The following NSMCE2 variants were observed in gnomAD, a reference collection of about 807,000 sequenced individuals.
NSMCE2 encodes the protein NSE2 SUMO ligase component of SMC5/6 complex.
NSMCE2 carries 24 observed loss-of-function variants against 23.8 expected under a neutral mutation model. The observed-to-expected ratio is 1.01, with a 90% CI of 0.73 to 1.42. NSMCE2 has a LOEUF of 1.42. NSMCE2 is among the 40% of genes most tolerant of loss of function. The pLI is 0.00. For missense variants in NSMCE2, 284 were observed against 296.5 expected, an observed-to-expected ratio of 0.96 and a Z score of 0.31; for synonymous variants, 92 against 94.1, an observed-to-expected ratio of 0.98 and a Z score of 0.13.
At chr8:125,289,110 C>A (rs1011371983) in intron 5 of NSMCE2, among the ~76,000 whole-genome samples, 1 of 152,160 alleles carries the variant, frequency 6.6e-6, no homozygotes, top group Non-Finnish European at 1.5e-5. Context: ...GTCTTTAATT[C>A]ATCTTTGTAC....
intron 4 of NSMCE2, among the ~76,000 whole-genome samples, chr8:125,180,790 A>T (rs1478852966): frequency 6.6e-6 from 1 of 151,812 alleles, no homozygotes; most frequent in Admixed American, 6.5e-5. Flanking sequence ...CTATATACTA[A>T]TAATAATGGC....
intron 3 of NSMCE2, chr8:125,124,028 C>T (rs1410250537): frequency 6.6e-6 from 1 of 152,134 alleles, no homozygotes; most frequent in Non-Finnish European, 1.5e-5. Flanking sequence ...AAACCCTGTA[C>T]CCTTTAGCTA....
rs1286441283 is a variant in NSMCE2 at position 125,175,861 on chromosome 8, A to G, written c.265-6242A>G. 2.6e-5 allele frequency among the ~76,000 whole-genome samples: 4 copies of G among 152,364 alleles called. No homozygotes were observed. The East Asian group carries it at 7.7e-4, about 29-fold the overall frequency. ...AAATACATTTAATATTTGTGTTAAA[A>G]TATGGTGAAAATAATATGTAGTTTC... On this transcript the variant is annotated intron_variant, in intron 4 of 7. Transcript: ENST00000287437.
intron 3 of NSMCE2, among the ~76,000 whole-genome samples, chr8:125,103,861 A>C (rs1044760569): frequency 9.2e-5 from 14 of 151,740 alleles, no homozygotes; most frequent in African/African-American, 2.7e-4. Context: ...TTCTTTCTTC[A>C]TTGTGTCCAT....
At chr8:125,232,378 A>T (rs1825362227) in intron 5 of NSMCE2, among the ~76,000 whole-genome samples, 1 of 152,150 alleles carries the variant, frequency 6.6e-6, no homozygotes, top group Non-Finnish European at 1.5e-5. Context: ...AAAAAAAGAA[A>T]GAAAGAAAGT....
chr8:125,360,641 G>T (rs568430088), intron 7 of NSMCE2, among the ~76,000 whole-genome samples: 1 of 152,310 alleles, frequency 6.6e-6, no homozygotes, highest in Admixed American at 6.5e-5. Context: ...GGGTTCTGAA[G>T]GCCAGGTGCA....
At chr8:125,100,837 AG>A (rs1563649499) in intron 1 of NSMCE2, among the ~76,000 whole-genome samples, 1 of 152,214 alleles carries the variant, frequency 6.6e-6, no homozygotes, top group African/African-American at 2.4e-5. Flanking sequence ...CTGGGATTAC[AG>A]GTGTGAGCCA....
At chr8:125,320,182 A>T (rs1425167396) in intron 5 of NSMCE2, among the ~76,000 whole-genome samples, 1 of 144,192 alleles carries the variant, frequency 6.9e-6, no homozygotes, top group Non-Finnish European at 1.5e-5. Flanking sequence ...TCTCAAAAAA[A>T]AAAGAGAGAG....
At chr8:125,124,478 C>T (rs1586468778) in intron 3 of NSMCE2, among the ~76,000 whole-genome samples, 3 of 151,962 alleles carry the variant, frequency 2.0e-5, no homozygotes, top group Admixed American at 2.0e-4. Context: ...ATTTCTCTCT[C>T]TCTCTCTCTC....
At chr8:125,290,017 G>T (rs1828046227) in intron 5 of NSMCE2, among the ~76,000 whole-genome samples, 1 of 152,166 alleles carries the variant, frequency 6.6e-6, no homozygotes, top group South Asian at 2.1e-4. Flanking sequence ...GTTGGTCTTT[G>T]ATGTTCTGCC....
chr8:125,277,251 C>T (rs1357792630), intron 5 of NSMCE2, among the ~76,000 whole-genome samples: 1 of 152,096 alleles, frequency 6.6e-6, no homozygotes, highest in Non-Finnish European at 1.5e-5. Context: ...CTAGGCTTCC[C>T]TCCCCCTGTG....
chr8:125,161,647 A>G (rs1821633450), intron 4 of NSMCE2, among the ~76,000 whole-genome samples: 1 of 152,038 alleles, frequency 6.6e-6, no homozygotes, highest in South Asian at 2.1e-4. Context: ...AAATATAAAA[A>G]TTAGCCAGGT....
intron 5 of NSMCE2, among the ~76,000 whole-genome samples, chr8:125,311,413 T>C (rs568900564): frequency 6.6e-6 from 1 of 152,238 alleles, no homozygotes; most frequent in Non-Finnish European, 1.5e-5. Flanking sequence ...TATTTTTACC[T>C]TGGACTTTCA....
chr8:125,140,564 G>A (rs557194048), intron 3 of NSMCE2, among the ~76,000 whole-genome samples: 30 of 152,194 alleles, frequency 2.0e-4, no homozygotes, highest in African/African-American at 7.2e-4. Context: ...TCAGGAGGCT[G>A]AGGTTCAATC....
chr8:125,198,891 C>T (rs1244347875), intron 5 of NSMCE2, among the ~76,000 whole-genome samples: 3 of 152,158 alleles, frequency 2.0e-5, no homozygotes, highest in Non-Finnish European at 4.4e-5. Flanking sequence ...TTCAGAGATT[C>T]CACTTCTTCC....
chr8:125,179,415 A>G (rs1253484508), intron 4 of NSMCE2, among the ~76,000 whole-genome samples: 1 of 152,156 alleles, frequency 6.6e-6, no homozygotes, highest in African/African-American at 2.4e-5. Flanking sequence ...ATGATTAGCC[A>G]CTCAATTTTT....
At chr8:125,324,170 G>A (rs1473153670) in intron 5 of NSMCE2, among the ~76,000 whole-genome samples, 2 of 152,054 alleles carry the variant, frequency 1.3e-5, no homozygotes, top group East Asian at 1.9e-4. Context: ...TTAAAAACAC[G>A]ACAAAAACTG....
intron 5 of NSMCE2, among the ~76,000 whole-genome samples, chr8:125,194,938 A>T (rs531686207): frequency 3.9e-5 from 6 of 152,046 alleles, no homozygotes; most frequent in African/African-American, 7.3e-5. Flanking sequence ...TTCTACATTT[A>T]TTCTTTAATT....
At position 125,293,664 on chromosome 8, in the gene NSMCE2, C is replaced by G. The variant is rs548092030; in HGVS notation, c.419-63555C>G. Among the ~76,000 whole-genome samples the G allele has an allele frequency of 1.3e-4, 18 of 135,634 alleles. 2 individuals are homozygous for G. In the South Asian group the frequency reaches 2.7e-3, roughly 20 times the overall value. 89.0% of individuals were successfully genotyped at this position (135,634 alleles called of 152,430 possible). On this transcript the variant is annotated intron_variant, in intron 5 of 7. Transcript: ENST00000287437. ...ATGAGGTTGCTGAGACTTTTGAAGA[C>G]CATCCTGTAGGTCTTGAACCTTTAG...
Sources: allele counts gnomAD v4.1 joint callset (sites outside exome capture counted in the v4.1 genomes callset), GRCh38; gene constraint gnomAD v4.1.1; transcripts MANE v1.5; gene names NCBI Gene and HGNC (gene_info 2026-07-23, HGNC 2026-07-21).